Variants in PEAK1 observed in about 807,000 individuals in gnomAD.
PEAK1 encodes inactive tyrosine-protein kinase PEAK1.
PEAK1 carries 54 observed loss-of-function variants against 124.7 expected under a neutral mutation model. The ratio of observed to expected loss-of-function variants is 0.43; its 90% confidence interval spans 0.35 to 0.54. PEAK1 has a LOEUF of 0.54. Among genes scored for constraint, PEAK1 ranks in the 20% least tolerant of loss-of-function variants. The probability of loss-of-function intolerance (pLI) is 0.01; values close to 1 mark genes in which losing one functional copy is unlikely to be tolerated. For missense variants in PEAK1, 2,046 were observed against 2,134.5 expected (o/e 0.96, Z 0.82); for synonymous variants, 719 against 760.0 (o/e 0.95, Z 0.89).
Position 77,348,966 on chromosome 15 carries a change from A to T in PEAK1, c.-603+16197T>A, listed in dbSNP as rs2067042202. The T allele has an allele frequency of 1.6e-5, 15 of 944,238 alleles. No individual in the cohort carries two copies. In the South Asian group the frequency reaches 6.4e-4, roughly 40 times the overall value. 58.5% of individuals were successfully genotyped at this position (944,238 alleles called of 1,614,324 possible). ...CTATGTCTCTTAAAATAGAGATTTA[A>T]AGCCTTTCTTACTTATAATTTAACT... On this transcript the variant is annotated intron_variant, in intron 2 of 9. Transcript: ENST00000682557.
intron 8 of PEAK1, among the ~76,000 whole-genome samples, chr15:77,142,366 C>G (rs2053855034): frequency 6.6e-6 from 1 of 152,182 alleles, no homozygotes. Flanking sequence ...TAGTAGGAAT[C>G]TAAAATGGTG....
At chr15:77,324,619 C>T (rs2065452584) in intron 2 of PEAK1, among the ~76,000 whole-genome samples, 1 of 152,092 alleles carries the variant, frequency 6.6e-6, no homozygotes, top group African/African-American at 2.4e-5. Flanking sequence ...ACAGGAAGCA[C>T]AGCAGCATCT....
chr15:77,200,425 C>A (rs2152844509), intron 6 of PEAK1, among the ~76,000 whole-genome samples: 1 of 152,236 alleles, frequency 6.6e-6, no homozygotes. Context: ...GCATCCCAAC[C>A]TCTACATTGT....
chr15:77,401,816 T>C lies in PEAK1; in HGVS notation c.-666+18190A>G, dbSNP rs186605678. The C allele has an allele frequency of 4.4e-5, 43 of 983,610 alleles. No individual in the cohort carries two copies. In the South Asian group the frequency reaches 1.9e-3, roughly 44 times the overall value. The allele number at this position is 983,610 out of a possible 1,614,324, so 60.9% of individuals were successfully genotyped here. ...GTTCCAATAAAAATTATTTACAACA[T>C]GATTACAAGTAGCCATTAGGTACAT... On this transcript the variant is annotated intron_variant, in intron 1 of 9. Transcript: ENST00000682557.
rs894809585 is a variant in PEAK1, at chr15:77,412,560, AT to A, written c.-666+7445del. 5.3e-5 allele frequency among the ~76,000 whole-genome samples: 8 copies of A among 152,320 alleles called. 1 individual carries two copies. Among genetic ancestry groups the A allele is most frequent in the African/African-American group, 1.9e-4 (8 of 41,576 alleles). Reference sequence around the variant, plus strand: ...AGTCACAGACAATCAGTATATTTATATTTTTATATACAGAAATACAGATTTT... The same window carrying A: ...AGTCACAGACAATCAGTATATTTATATTTTATATACAGAAATACAGATTTT... On this transcript the variant is annotated intron_variant, in intron 1 of 9. Coordinates refer to ENST00000682557, the MANE Select transcript of PEAK1 (RefSeq NM_001385026.1).
intron 1 of PEAK1, chr15:77,418,132 G>GTT (rs2073040170): frequency 1.0e-6 from 1 of 983,906 alleles, no homozygotes; most frequent in Non-Finnish European, 1.2e-6. Flanking sequence ...TATTGTGAAA[G>GTT]TTTCTGTATA....
At position 77,161,965 on chromosome 15, in the gene PEAK1, C is replaced by CAAA. The variant is rs33972250; in HGVS notation, c.3138-3272_3138-3270dup. 6.7e-3 allele frequency among the ~76,000 whole-genome samples: 561 copies of CAAA among 84,238 alleles called. 24 individuals are homozygous for CAAA. Among genetic ancestry groups the CAAA allele is most frequent in the African/African-American group, 0.014 (266 of 19,516 alleles). The allele number at this position is 84,238 out of a possible 152,430, so 55.3% of individuals were successfully genotyped here. A position where few individuals can be genotyped will look rare whatever the true frequency, so the allele number is the denominator to read the frequency against. ...TGGGTGACAGAGTGAGACTCTGTCT[C>CAAA]AAAAAAAAAAAAAAAAAAAGATAAA... On this transcript the variant is annotated intron_variant, in intron 7 of 9. Transcript: ENST00000682557.
chr15:77,345,324 G>C (rs1420046734), intron 2 of PEAK1, among the ~76,000 whole-genome samples: 4 of 152,116 alleles, frequency 2.6e-5, no homozygotes, highest in African/African-American at 7.2e-5. Context: ...TCATTCAACT[G>C]GATAGCTTTG....
intron 6 of PEAK1, among the ~76,000 whole-genome samples, chr15:77,223,289 C>T (rs1483829234): frequency 1.3e-5 from 2 of 151,990 alleles, no homozygotes; most frequent in Non-Finnish European, 2.9e-5. Context: ...CTGGTAAGAA[C>T]TTAGTTTCAT....
chr15:77,268,554 G>A (rs1405812520), intron 5 of PEAK1, among the ~76,000 whole-genome samples: 1 of 151,996 alleles, frequency 6.6e-6, no homozygotes, highest in South Asian at 2.1e-4. Flanking sequence ...GGTGTTTCTG[G>A]GGAAGAAGAG....
intron 6 of PEAK1, among the ~76,000 whole-genome samples, chr15:77,201,032 T>A (rs2058335280): frequency 1.3e-5 from 2 of 152,082 alleles, no homozygotes; most frequent in African/African-American, 4.8e-5. Context: ...ATGTAGATGC[T>A]ACCAAATGTT....
chr15:77,411,086 G>C (rs1313521645), intron 1 of PEAK1, among the ~76,000 whole-genome samples: 1 of 151,948 alleles, frequency 6.6e-6, no homozygotes, highest in Non-Finnish European at 1.5e-5. Context: ...TGTTATTTTG[G>C]GTTTGACTTT....
intron 5 of PEAK1, chr15:77,255,422 C>G (rs1025584454): frequency 1.0e-6 from 1 of 965,638 alleles, no homozygotes; most frequent in African/African-American, 1.8e-5. Context: ...GTTCTTCTCT[C>G]CCTGCATTAG....
At chr15:77,136,581 G>T (rs1303565496) in intron 8 of PEAK1, among the ~76,000 whole-genome samples, 1 of 152,016 alleles carries the variant, frequency 6.6e-6, no homozygotes, top group Non-Finnish European at 1.5e-5. Flanking sequence ...CAGGAGAATC[G>T]CTTGAACCTC....
chr15:77,352,178 T>G, intron 2 of PEAK1: 1 of 981,750 alleles, frequency 1.0e-6, no homozygotes, highest in Non-Finnish European at 1.2e-6. Context: ...CACTGCAGCC[T>G]CCAGCCTGGG....
chr15:77,116,025 A>G (rs1389846776), intron 9 of PEAK1, among the ~76,000 whole-genome samples: 1 of 152,188 alleles, frequency 6.6e-6, no homozygotes, highest in Non-Finnish European at 1.5e-5. Flanking sequence ...GCCTCATTTA[A>G]TACCCACTAT....
intron 6 of PEAK1, among the ~76,000 whole-genome samples, chr15:77,240,901 T>C (rs1289118652): frequency 1.3e-5 from 2 of 152,216 alleles, no homozygotes; most frequent in Admixed American, 1.3e-4. Flanking sequence ...ATCTCAATTC[T>C]GAACAGTCTA....
intron 7 of PEAK1, among the ~76,000 whole-genome samples, chr15:77,161,026 CAT>C (rs2055590336): frequency 6.6e-6 from 1 of 152,204 alleles, no homozygotes; most frequent in Non-Finnish European, 1.5e-5. Context: ...GCCCGCTGCA[CAT>C]GTGTACATAT....
chr15:77,273,983 C>T (rs1473739106), intron 5 of PEAK1, among the ~76,000 whole-genome samples: 1 of 152,146 alleles, frequency 6.6e-6, no homozygotes, highest in African/African-American at 2.4e-5. Flanking sequence ...GAAATACTTA[C>T]AGTCAACTGA....
Sources: gnomAD v4.1 joint callset for allele counts (sites outside exome capture counted in the v4.1 genomes callset) on GRCh38, gnomAD v4.1.1 for gene constraint, MANE v1.5 for transcripts, NCBI Gene and HGNC (gene_info 2026-07-23, HGNC 2026-07-21) for gene names.